The following KMT2E variants were observed in gnomAD, a reference collection of about 807,000 sequenced individuals.
The protein encoded by KMT2E is histone reader KMT2E.
Under a neutral mutation model 184.6 loss-of-function variants are expected in KMT2E, and 30 were observed. That is an observed-to-expected ratio of 0.16 (90% CI 0.12 to 0.22). KMT2E has a LOEUF of 0.22. KMT2E is among the 10% of genes least tolerant of loss of function. The pLI, the probability that KMT2E is intolerant of heterozygous loss-of-function variation, is 1.00. For synonymous variants in KMT2E, 815 were observed against 776.5 expected (o/e 1.05, Z -0.82); for missense variants, 2,023 against 2,237.4 (o/e 0.90, Z 1.93).
chr7:105,087,624 G>A (rs927367661), intron 13 of KMT2E, among the ~76,000 whole-genome samples: 23 of 151,636 alleles, frequency 1.5e-4, no homozygotes, highest in South Asian at 6.2e-4. Context: ...GGGTTTCACC[G>A]TGTTGCCCAG....
In KMT2E at chr7:105,102,120, C is replaced by T. The variant is rs1247978712; in HGVS notation, c.2122C>T (p.Leu708=). ...AATAGAACCAGAAACTGAAACTGCA[C>T]TAGCAGAAATAATTACTGAAACTGA... ...LTIEPETETA[L]AEIITETEVP... The change falls in exon 17 of 27, where the codon CTA becomes TTA. Residue 708 remains leucine, a synonymous_variant. Coordinates refer to ENST00000311117, the MANE Select transcript of KMT2E (RefSeq NM_182931.3). 1.2e-6 allele frequency: 2 copies of T among 1,612,618 alleles called. No individual in the cohort carries two copies. The highest frequency in any genetic ancestry group is 1.7e-5 in the Admixed American group (1 of 59,892).
At position 105,087,448 on chromosome 7, in the gene KMT2E, G is replaced by T. The variant is rs573709234; in HGVS notation, c.1359-2561G>T. Among the ~76,000 whole-genome samples the T allele has an allele frequency of 1.2e-4, 18 of 148,452 alleles. No individual in the cohort carries two copies. In the South Asian group the frequency reaches 3.8e-3, roughly 31 times the overall value. On this transcript the variant is annotated intron_variant, in intron 13 of 26. Coordinates refer to ENST00000311117, the MANE Select transcript of KMT2E (RefSeq NM_182931.3). ...TTTTTTTTGTTTTTTTTTTGAGATG[G>T]AGTCTTGCTCTGTCACCCAGGCTGG...
rs534631547 is a variant in KMT2E, at chr7:105,052,258, C to T, written c.72-9906C>T. On this transcript the variant is annotated intron_variant, in intron 3 of 26. Transcript: ENST00000311117. ...GTTTCTGCCTTAGGGACTTTGTACT[C>T]GTGATTTCCTCTGCCTGGATCATTC... 7.2e-5 allele frequency among the ~76,000 whole-genome samples: 11 copies of T among 152,232 alleles called. No individual in the cohort carries two copies. The South Asian group carries it at 1.0e-3, about 14-fold the overall frequency.
chr7:105,108,972 C>G lies in KMT2E; in HGVS notation c.3499C>G (p.Arg1167Gly). Reference sequence around the variant, plus strand: ...TCTATTAGAATACCGTAAGAGACAACGTGAAGCTAGGAAAAGTGGCTCTAA... The same window carrying G: ...TCTATTAGAATACCGTAAGAGACAAGGTGAAGCTAGGAAAAGTGGCTCTAA... ...VSLLEYRKRQ[R>G]EARKSGSKTE... The change falls in exon 23 of 27, where the codon CGT (arginine) becomes GGT (glycine). Residue 1167 changes from arginine to glycine, a missense_variant. Arg to Gly is a moderately radical substitution (Grantham distance 125). Around this residue, in one of 8 missense-constraint regions of KMT2E, gnomAD observed 1,108 missense variants for 1,050.9 expected, o/e 1.05. Transcript: ENST00000311117. 2 of 1,612,866 alleles carry G rather than the reference C, an allele frequency of 1.2e-6. No individual in the cohort carries two copies. Among genetic ancestry groups the G allele is most frequent in the Non-Finnish European group, 1.7e-6 (2 of 1,178,994 alleles).
chr7:105,046,325 G>A (rs1796102921), intron 3 of KMT2E, among the ~76,000 whole-genome samples: 1 of 152,016 alleles, frequency 6.6e-6, no homozygotes, highest in South Asian at 2.1e-4. Context: ...CTTCTTTGTT[G>A]CCTTTAAGTC....
At position 105,040,906 on chromosome 7, in the gene KMT2E, C is replaced by A. The variant is rs752400078; in HGVS notation, c.-47C>A. On this transcript the variant is annotated 5_prime_UTR_variant, in exon 3 of 27. Transcript: ENST00000311117. ...TGGCATGCCCCAGTGTTTTGGATAC[C>A]AATGCATAGGACTCCATAGTAATCG... 7.1e-7 allele frequency: 1 copy of A among 1,416,044 alleles called. No individual in the cohort carries two copies. The highest frequency in any genetic ancestry group is 9.9e-7 in the Non-Finnish European group (1 of 1,007,886). 87.7% of individuals were successfully genotyped at this position (1,416,044 alleles called of 1,614,324 possible).
intron 3 of KMT2E, among the ~76,000 whole-genome samples, chr7:105,048,127 C>T (rs1796183024): frequency 1.3e-5 from 2 of 152,158 alleles, no homozygotes; most frequent in Non-Finnish European, 2.9e-5. Context: ...GCCTCCACCT[C>T]CCAGGCCCAA....
At chr7:105,020,117 A>G in intron 1 of KMT2E, among the ~76,000 whole-genome samples, 1 of 151,768 alleles carries the variant, frequency 6.6e-6, no homozygotes, top group East Asian at 1.9e-4. Flanking sequence ...CAAAAAAAAA[A>G]AAAAAGTAAA....
chr7:105,113,231 A>G lies in KMT2E; in HGVS notation c.5475A>G (p.Gln1825=), dbSNP rs761757960. Residue 1825 remains glutamine, a synonymous_variant, in exon 27 of 27, where the codon CAA becomes CAG. Coordinates refer to ENST00000311117, the MANE Select transcript of KMT2E (RefSeq NM_182931.3). ...PGSVALPHGV[Q]GPQQASPVPG... is the part of the protein sequence containing the mutation. The stretch of plus-strand genomic sequence containing the variant: ...CTGTGGCCCTGCCACATGGGGTTCA[A>G]GGACCTCAGCAGGCATCTCCAGTGC... 96 of 1,614,110 alleles carry G rather than the reference A, an allele frequency of 5.9e-5. No homozygotes were observed. The South Asian group carries it at 9.0e-4, about 15-fold the overall frequency.
chr7:105,113,440 A>AAAAC lies in KMT2E; in HGVS notation c.*109_*112dup. On this transcript the variant is annotated 3_prime_UTR_variant, in exon 27 of 27. Coordinates refer to ENST00000311117, the MANE Select transcript of KMT2E (RefSeq NM_182931.3). Reference sequence around the variant, plus strand: ...AGCTTGTACATGAACCTTTGTATAAAAAACACCAGTGCTCTTTCGTTGTAT... The same window carrying AAAAC: ...AGCTTGTACATGAACCTTTGTATAAAAAACAAACACCAGTGCTCTTTCGTTGTAT... 3.4e-6 allele frequency: 4 copies of AAAAC among 1,185,920 alleles called. No individual in the cohort carries two copies. The highest frequency in any genetic ancestry group is 4.6e-6 in the Non-Finnish European group (4 of 875,006). 73.5% of individuals were successfully genotyped at this position (1,185,920 alleles called of 1,614,324 possible). A position where few individuals can be genotyped will look rare whatever the true frequency, so the allele number is the denominator to read the frequency against.
intron 15 of KMT2E, among the ~76,000 whole-genome samples, 160 bp from the exon 16 acceptor site, chr7:105,101,265 A>G (rs866292358): frequency 9.2e-5 from 14 of 152,184 alleles, no homozygotes; most frequent in South Asian, 4.1e-4. Flanking sequence ...AAGGTCTTCA[A>G]TGAACAGAAA....
intron 1 of KMT2E, among the ~76,000 whole-genome samples, chr7:105,030,066 A>G (rs1795342019): frequency 6.6e-6 from 1 of 152,220 alleles, no homozygotes; most frequent in Non-Finnish European, 1.5e-5. Context: ...TAGATGATCT[A>G]ATTGTGGAAG....
chr7:105,066,657 T>G, intron 5 of KMT2E, 70 bp from the exon 6 acceptor site: 1 of 1,205,672 alleles, frequency 8.3e-7, no homozygotes, highest in South Asian at 1.2e-5. Context: ...GATAGTTAAA[T>G]GGAATATCAA....
chr7:105,086,907 A>G (rs1259902004), intron 13 of KMT2E, among the ~76,000 whole-genome samples: 2 of 76,192 alleles, frequency 2.6e-5, no homozygotes, highest in South Asian at 3.6e-4. Flanking sequence ...TATATTATAT[A>G]TTATATAGCA....
intron 19 of KMT2E, 63 bp downstream of exon 19, chr7:105,106,066 A>G (rs1005718056): frequency 3.5e-6 from 5 of 1,441,110 alleles, no homozygotes; most frequent in Non-Finnish European, 4.7e-6. Flanking sequence ...ACAGCTTTAT[A>G]ACAGGCATAT....
intron 11 of KMT2E, 41 bp from the exon 12 acceptor site, chr7:105,078,805 G>T (rs990911905): frequency 3.4e-6 from 4 of 1,171,558 alleles, no homozygotes; most frequent in Non-Finnish European, 3.8e-6. Flanking sequence ...AGCATGCCCG[G>T]CCTAAAATGT....
At position 105,017,434 on chromosome 7, in the gene KMT2E, G is replaced by GTT. The variant is rs11432195; in HGVS notation, c.-189+2909_-189+2910dup. ...GGTGGGTGGTTTTTTTTTGTTTTTT[G>GTT]TTTTTTTTTTTGATGTTTTAGTTCC... On this transcript the variant is annotated intron_variant, in intron 1 of 26. Transcript: ENST00000311117. Among the ~76,000 whole-genome samples, 432 of 116,052 alleles carry GTT rather than the reference G, an allele frequency of 3.7e-3. 4 individuals carry two copies. Among genetic ancestry groups the GTT allele is most frequent in the Middle Eastern group, 0.021 (4 of 188 alleles). 76.1% of individuals were successfully genotyped at this position (116,052 alleles called of 152,430 possible). A position where few individuals can be genotyped will look rare whatever the true frequency, so the allele number is the denominator to read the frequency against.
intron 22 of KMT2E, among the ~76,000 whole-genome samples, chr7:105,108,137 T>C (rs2129569954): frequency 6.6e-6 from 1 of 152,248 alleles, no homozygotes; most frequent in South Asian, 2.1e-4. Flanking sequence ...GGGAAATCCT[T>C]GTAAGCAGCA....
chr7:105,101,642 CT>C, intron 16 of KMT2E, 53 bp downstream of exon 16: 1 of 1,356,438 alleles, frequency 7.4e-7, no homozygotes, highest in East Asian at 2.6e-5. Context: ...AATAAAATGT[CT>C]ATACTTGCAT....
Sources: allele counts gnomAD v4.1 joint callset (sites outside exome capture counted in the v4.1 genomes callset), GRCh38; gene constraint gnomAD v4.1.1; regional missense constraint gnomAD v4.1.1; transcripts MANE v1.5; gene names NCBI Gene and HGNC (gene_info 2026-07-23, HGNC 2026-07-21).